EDAR: variants seen among roughly 807,000 people sequenced by gnomAD.
The protein encoded by EDAR is ectodysplasin A receptor, also known as tumor necrosis factor receptor superfamily member EDAR.
A neutral mutation model predicts 51.3 loss-of-function variants in EDAR; 38 were observed. The ratio of observed to expected loss-of-function variants is 0.74; its 90% CI spans 0.57 to 0.97. EDAR has a LOEUF of 0.97. EDAR is among the 50% of genes least tolerant of loss of function. The pLI, the probability that EDAR is intolerant of heterozygous loss-of-function variation, is 0.00. For synonymous variants in EDAR, 227 were observed against 242.1 expected, an observed-to-expected ratio of 0.94 and a Z score of 0.58; for missense variants, 528 against 595.0, an observed-to-expected ratio of 0.89 and a Z score of 1.17.
At position 108,896,189 on chromosome 2, in the gene EDAR, A is replaced by G. The variant is rs1696585235; in HGVS notation, c.*718T>C. 6.6e-6 allele frequency: 1 copy of G among 152,300 alleles called. No individual in the cohort carries two copies. The highest frequency in any genetic ancestry group is 1.5e-5 in the Non-Finnish European group (1 of 68,110). The allele number at this position is 152,300 out of a possible 1,614,324, so 9.4% of individuals were successfully genotyped here. ...CACATGCCTTGCATATTGGTTTTGT[A>G]TAGAGTGAGCTCTTCCATTATTGAC... On this transcript the variant is annotated 3_prime_UTR_variant, in exon 12 of 12. Coordinates refer to ENST00000258443, the MANE Select transcript of EDAR (RefSeq NM_022336.4).
At position 108,941,339 on chromosome 2, in the gene EDAR, G is replaced by A. The variant is rs115752680; in HGVS notation, c.-18-10307C>T. The stretch of plus-strand genomic sequence containing the variant: ...TTTGATGTCGGTGACTCAAACGTGA[G>A]GCAGGTTCCCAAAGGGGCTGCCCCT... On this transcript the variant is annotated intron_variant, in intron 1 of 11. Transcript: ENST00000258443. Among the ~76,000 whole-genome samples, 667 of 152,278 alleles carry A rather than the reference G, an allele frequency of 4.4e-3. 3 individuals are homozygous for A. The highest frequency in any genetic ancestry group is 0.016 in the African/African-American group (649 of 41,558).
In EDAR at chr2:108,982,878, C is replaced by G. The variant is rs143368688; in HGVS notation, c.-19+6082G>C. On this transcript the variant is annotated intron_variant, in intron 1 of 11. Transcript: ENST00000258443. ...GGCGGGGTTCACAGTGGCCACAGAA[C>G]AAGGACTGGCCACCCAGACAGGCCA... 3.5e-3 allele frequency among the ~76,000 whole-genome samples: 537 copies of G among 152,316 alleles called. 2 individuals carry two copies. Among genetic ancestry groups the G allele is most frequent in the African/African-American group, 0.012 (480 of 41,558 alleles).
intron 1 of EDAR, among the ~76,000 whole-genome samples, chr2:108,937,487 GTA>G (rs1027883238): frequency 2.6e-5 from 4 of 151,956 alleles, no homozygotes; most frequent in African/African-American, 4.8e-5. Context: ...GTGCATAAGA[GTA>G]TGTGTATGTG....
intron 1 of EDAR, among the ~76,000 whole-genome samples, chr2:108,985,146 T>C (rs1368499830): frequency 6.6e-6 from 1 of 152,188 alleles, no homozygotes; most frequent in African/African-American, 2.4e-5. Context: ...TAATACTGTA[T>C]CTTATTTCAG....
chr2:108,958,413 A>AAAAAAAC (rs759717094), intron 1 of EDAR, among the ~76,000 whole-genome samples: 1 of 151,602 alleles, frequency 6.6e-6, no homozygotes, highest in Non-Finnish European at 1.5e-5. Context: ...CAGCAGGAAA[A>AAAAAAAC]AAAAAACAAA....
In EDAR at chr2:108,930,254, G is replaced by A; in HGVS notation, c.52-12C>T. 2.5e-6 allele frequency: 4 copies of A among 1,613,962 alleles called. No individual in the cohort carries two copies. The highest frequency in any genetic ancestry group is 3.4e-6 in the Non-Finnish European group (4 of 1,179,920). The stretch of plus-strand genomic sequence containing the variant: ...CACATCAGAGACACCTGCCAACAAA[G>A]GGGGGTGTTGTGGCCTCCGTACCTC... On this transcript the variant is annotated splice_polypyrimidine_tract_variant and intron_variant, in intron 2 of 11. Coordinates refer to ENST00000258443, the MANE Select transcript of EDAR (RefSeq NM_022336.4).
chr2:108,898,924 C>CTG (rs1466851200), intron 11 of EDAR, among the ~76,000 whole-genome samples: 1 of 152,114 alleles, frequency 6.6e-6, no homozygotes, highest in East Asian at 1.9e-4. Flanking sequence ...CCTTAGGGAA[C>CTG]TGTGGAGTTA....
At chr2:108,912,380 G>A (rs924570600) in intron 6 of EDAR, among the ~76,000 whole-genome samples, 8 of 152,168 alleles carry the variant, frequency 5.3e-5, no homozygotes, top group African/African-American at 1.9e-4. Flanking sequence ...CAGGACGCCT[G>A]GTCTCTCCTC....
chr2:108,933,805 C>T (rs1274130166), intron 1 of EDAR, among the ~76,000 whole-genome samples: 2 of 151,842 alleles, frequency 1.3e-5, no homozygotes, highest in African/African-American at 2.4e-5. Context: ...ACCTGCAGCC[C>T]GTCAGGTGGG....
intron 1 of EDAR, among the ~76,000 whole-genome samples, chr2:108,988,353 C>T (rs560414479): frequency 2.6e-5 from 4 of 152,290 alleles, no homozygotes; most frequent in South Asian, 2.1e-4. Flanking sequence ...ACCCACCCCA[C>T]GGTCTGTCAG....
chr2:108,967,676 A>C (rs1285487817), intron 1 of EDAR, among the ~76,000 whole-genome samples: 1 of 152,152 alleles, frequency 6.6e-6, no homozygotes, highest in Non-Finnish European at 1.5e-5. Context: ...TAATTGCTTC[A>C]ATTTTACTTC....
At chr2:108,918,138 C>T (rs1440755422) in intron 5 of EDAR, among the ~76,000 whole-genome samples, 1 of 152,212 alleles carries the variant, frequency 6.6e-6, no homozygotes, top group Non-Finnish European at 1.5e-5. Context: ...CCCACCATGT[C>T]CACTCCTTCC....
At chr2:108,969,661 A>G (rs1174892221) in intron 1 of EDAR, among the ~76,000 whole-genome samples, 1 of 152,244 alleles carries the variant, frequency 6.6e-6, no homozygotes, top group African/African-American at 2.4e-5. Flanking sequence ...TAAAGAAAAG[A>G]TATTTATTAA....
chr2:108,965,353 T>C (rs924666682), intron 1 of EDAR, among the ~76,000 whole-genome samples: 4 of 151,156 alleles, frequency 2.6e-5, no homozygotes, highest in Admixed American at 6.6e-5. Context: ...TGGTGGTGGG[T>C]GCCTGTAGTC....
chr2:108,920,755 T>A (rs1163991603), intron 5 of EDAR, among the ~76,000 whole-genome samples: 2 of 152,232 alleles, frequency 1.3e-5, no homozygotes, highest in Non-Finnish European at 2.9e-5. Flanking sequence ...TCATTTCTCC[T>A]CAGGGTTATT....
chr2:108,934,145 G>GAGAAA (rs1177990826), intron 1 of EDAR, among the ~76,000 whole-genome samples: 1 of 152,170 alleles, frequency 6.6e-6, no homozygotes, highest in Non-Finnish European at 1.5e-5. Context: ...CCCAAGCAGA[G>GAGAAA]AGAAAAGAAA....
At chr2:108,942,138 T>C (rs984467074) in intron 1 of EDAR, among the ~76,000 whole-genome samples, 2 of 152,192 alleles carry the variant, frequency 1.3e-5, no homozygotes, top group African/African-American at 4.8e-5. Context: ...CTGAGCATAT[T>C]CGTGAAGGGC....
intron 3 of EDAR, 49 bp downstream of exon 3, chr2:108,930,071 G>A (rs373602149): frequency 1.3e-6 from 2 of 1,583,256 alleles, no homozygotes; most frequent in South Asian, 1.1e-5. Flanking sequence ...CCACAAGCAG[G>A]AGGCCTCCCC....
At chr2:108,954,584 A>C (rs747806168) in intron 1 of EDAR, among the ~76,000 whole-genome samples, 6 of 152,030 alleles carry the variant, frequency 3.9e-5, no homozygotes, top group African/African-American at 7.2e-5. Context: ...TGTGCCTGGT[A>C]TGTATGGTCC....
Sources: allele counts gnomAD v4.1 joint callset (sites outside exome capture counted in the v4.1 genomes callset), GRCh38; gene constraint gnomAD v4.1.1; transcripts MANE v1.5; gene names NCBI Gene and HGNC (gene_info 2026-07-23, HGNC 2026-07-21).